The following CYFIP1 variants were observed in gnomAD, a reference collection of about 807,000 sequenced individuals.
The protein encoded by CYFIP1 is cytoplasmic FMR1-interacting protein 1.
In CYFIP1, 58 loss-of-function variants were observed where a neutral mutation model predicts 163.5. The observed-to-expected ratio is 0.35, with a 90% confidence interval of 0.29 to 0.44. The LOEUF (loss-of-function observed/expected upper bound fraction) is 0.44, where lower values mean the gene tolerates loss of function less well. Among genes scored for constraint, CYFIP1 ranks in the 20% least tolerant of loss-of-function variants. The pLI is 1.00. For missense variants in CYFIP1, 1,338 were observed against 1,653.8 expected, an observed-to-expected ratio of 0.81 and a Z score of 3.31; for synonymous variants, 663 against 660.7, an observed-to-expected ratio of 1.00 and a Z score of -0.05.
rs751036462 is a variant in CYFIP1, at chr15:22,880,048, G to A, written c.2912-5C>T. 9 of 1,613,488 alleles carry A rather than the reference G, an allele frequency of 5.6e-6. No homozygotes were observed. The highest frequency in any genetic ancestry group is 3.3e-5 in the South Asian group (3 of 91,048). ...GGTGGAAGAACTCCAGGATACCTAC[G>A]GTGGCGGGAGTGAGGTGGGGTTGGG... On this transcript the variant is annotated splice_polypyrimidine_tract_variant and splice_region_variant and intron_variant, in intron 25 of 30. Transcript: ENST00000617928.
chr15:22,880,273 T>C (rs2059716886), intron 25 of CYFIP1, among the ~76,000 whole-genome samples: 1 of 152,192 alleles, frequency 6.6e-6, no homozygotes, highest in African/African-American at 2.4e-5. Flanking sequence ...GAAGCCTCTT[T>C]TCAACTCAAC....
At chr15:22,896,416 T>C (rs2060237649) in intron 22 of CYFIP1, among the ~76,000 whole-genome samples, 4 of 152,076 alleles carry the variant, frequency 2.6e-5, no homozygotes, top group Admixed American at 2.6e-4. Context: ...TTTTGAAATC[T>C]TTTCTGCCCC....
intron 11 of CYFIP1, among the ~76,000 whole-genome samples, chr15:22,928,543 G>A (rs1435560595): frequency 3.9e-5 from 6 of 152,204 alleles, no homozygotes; most frequent in Admixed American, 6.5e-5. Flanking sequence ...CACAGCCACC[G>A]CCTGGGGGAC....
chr15:22,927,567 G>C (rs1032923598), intron 12 of CYFIP1, among the ~76,000 whole-genome samples: 1 of 151,702 alleles, frequency 6.6e-6, no homozygotes, highest in Non-Finnish European at 1.5e-5. Context: ...TGAGGCAGAA[G>C]GATCGCTTGG....
At chr15:22,894,863 T>TTA (rs1555401560) in intron 22 of CYFIP1, among the ~76,000 whole-genome samples, 2,512 of 134,290 alleles carry the variant, frequency 0.019, 42 homozygotes, top group East Asian at 0.04. Flanking sequence ...ATTATATATT[T>TTA]TATATATATA....
Position 22,944,553 on chromosome 15 carries a change from T to C in CYFIP1, c.387+5A>G, listed in dbSNP as rs1015856432. The C allele has an allele frequency of 5.0e-6, 8 of 1,603,176 alleles. No homozygotes were observed. Among genetic ancestry groups the C allele is most frequent in the Non-Finnish European group, 6.8e-6 (8 of 1,170,866 alleles). The stretch of plus-strand genomic sequence containing the variant: ...ACACCCCCCCCAGATTATTTGCCAT[T>C]TTACCTGGAAGTACATGAAATTCAT... On this transcript the variant is annotated splice_donor_5th_base_variant and intron_variant, in intron 5 of 30. Transcript: ENST00000617928.
At chr15:22,980,383 T>A (rs2063446304), upstream of CYFIP1, 1 of 151,338 alleles carries the variant, frequency 6.6e-6, no homozygotes, top group African/African-American at 2.4e-5. Flanking sequence ...CAGGAAACAC[T>A]CGGCCTCCTC....
At chr15:22,873,800 CTT>C in intron 28 of CYFIP1, 71 bp from the exon 29 acceptor site, 1 of 1,327,568 alleles carries the variant, frequency 7.5e-7, no homozygotes, top group Non-Finnish European at 1.1e-6. Context: ...CTCTATGTCT[CTT>C]TTCTCTTGAG....
chr15:22,931,140 G>A (rs1302610287), intron 11 of CYFIP1, among the ~76,000 whole-genome samples: 1 of 152,134 alleles, frequency 6.6e-6, no homozygotes, highest in Non-Finnish European at 1.5e-5. Context: ...GCAGTGGGTG[G>A]GGCCAACATC....
rs576877126 is a variant in CYFIP1 at position 22,922,601 on chromosome 15, G to A, written c.1359+3381C>T. Among the ~76,000 whole-genome samples the A allele has an allele frequency of 3.9e-5, 6 of 152,286 alleles. No individual in the cohort carries two copies. In the East Asian group the frequency reaches 1.2e-3, roughly 29 times the overall value. ...TCAGGGGGATGGAGGGTGGTCTGGA[G>A]GGCCCCTCACACAACCTTGTCAAAC... On this transcript the variant is annotated intron_variant, in intron 13 of 30. Transcript: ENST00000617928.
intron 22 of CYFIP1, among the ~76,000 whole-genome samples, chr15:22,894,054 C>A (rs547238198): frequency 3.3e-5 from 5 of 152,208 alleles, no homozygotes; most frequent in African/African-American, 1.2e-4. Context: ...ACTGCTCACA[C>A]CCTTGACAGC....
In CYFIP1 at chr15:22,917,814, G is replaced by T; in HGVS notation, c.1648C>A (p.Arg550Ser). ...KSGFDIKVPR[R>S]AVGPSSTQLY... is the part of the protein sequence containing the mutation. ...TGAGTGCTGGAGGGTCCCACGGCGC[G>T]GCGTGGTACTTTTATGTCGAAGCCG... Residue 550 changes from arginine to serine, a missense_variant, in exon 15 of 31, where the codon CGC becomes AGC. Physicochemically the swap from Arg to Ser is moderately radical, Grantham distance 110 (BLOSUM62 -1). Around this residue, in one of 4 missense-constraint regions of CYFIP1, gnomAD observed 824 missense variants for 995.7 expected, o/e 0.83. Transcript: ENST00000617928. The surrounding 1 kb of genome is among the most constrained non-coding windows in gnomAD (Gnocchi z 4.2). 6.2e-7 allele frequency: 1 copy of T among 1,612,838 alleles called. No individual in the cohort carries two copies. The highest frequency in any genetic ancestry group is 8.5e-7 in the Non-Finnish European group (1 of 1,179,516).
chr15:22,904,456 G>A (rs185152970), intron 21 of CYFIP1: 24 of 167,486 alleles, frequency 1.4e-4, no homozygotes, highest in African/African-American at 3.8e-4. Context: ...CACCTGAGGC[G>A]CACTACATGA....
intron 22 of CYFIP1, among the ~76,000 whole-genome samples, chr15:22,900,391 T>C (rs1373148059): frequency 6.7e-6 from 1 of 148,774 alleles, no homozygotes; most frequent in African/African-American, 2.5e-5. Flanking sequence ...AGAGAATAAA[T>C]TTCTGTTCTT....
rs758205055 is a variant in CYFIP1 at position 22,918,804 on chromosome 15, A to C, written c.1414T>G (p.Phe472Val). 19 of 1,613,064 alleles carry C rather than the reference A, an allele frequency of 1.2e-5. No homozygotes were observed. Among genetic ancestry groups the C allele is most frequent in the Non-Finnish European group, 1.6e-5 (19 of 1,179,414 alleles). The change falls in exon 14 of 31, where the codon TTC (phenylalanine) becomes GTC (valine). Residue 472 changes from phenylalanine to valine, a missense_variant. Phe to Val is a conservative substitution (Grantham distance 50). This residue lies in a region of CYFIP1 where 824 missense variants were observed against 995.7 expected (regional missense o/e 0.83). Coordinates refer to ENST00000617928, the MANE Select transcript of CYFIP1 (RefSeq NM_014608.6). The stretch of plus-strand genomic sequence containing the variant: ...ACGGTGTGCCGGATGGCGTGGTTGA[A>C]CACGCTCTCCATCCTGCCCATCAGC... ...QVLMGRMESV[F>V]NHAIRHTVYA...
intron 30 of CYFIP1, among the ~76,000 whole-genome samples, chr15:22,870,582 G>A (rs1455469600): frequency 6.6e-6 from 1 of 152,106 alleles, no homozygotes; most frequent in African/African-American, 2.4e-5. Context: ...CCAAACTGTT[G>A]GGATTACAGG....
At chr15:22,926,850 GAATA>G (rs774418857) in intron 12 of CYFIP1, among the ~76,000 whole-genome samples, 51 of 152,284 alleles carry the variant, frequency 3.3e-4, no homozygotes, top group Middle Eastern at 3.4e-3. Flanking sequence ...GTACATTTCA[GAATA>G]GATAGGGAAG....
At chr15:22,916,376 A>C (rs1345505674) in intron 16 of CYFIP1, 101 bp downstream of exon 16, 12 of 879,770 alleles carry the variant, frequency 1.4e-5, no homozygotes, top group Non-Finnish European at 2.1e-5. Flanking sequence ...GGGTGCACCA[A>C]GGGACGGGGT....
intron 1 of CYFIP1, among the ~76,000 whole-genome samples, chr15:22,973,670 A>C (rs2063174523): frequency 6.6e-6 from 1 of 152,166 alleles, no homozygotes; most frequent in Non-Finnish European, 1.5e-5. Flanking sequence ...GAGGAAATAA[A>C]GCCTCAAAAG....
Sources: gnomAD v4.1 joint callset for allele counts (sites outside exome capture counted in the v4.1 genomes callset) on GRCh38, gnomAD v4.1.1 for gene constraint, gnomAD v4.1.1 regional missense constraint, Gnocchi (gnomAD v3.1) non-coding constraint, MANE v1.5 for transcripts, NCBI Gene and HGNC (gene_info 2026-07-23, HGNC 2026-07-21) for gene names.